The following MAGI1 variants were observed in gnomAD, a reference collection of about 807,000 sequenced individuals.
MAGI1 encodes membrane-associated guanylate kinase, WW and PDZ domain-containing protein 1.
In MAGI1, 58 loss-of-function variants were observed where a neutral mutation model predicts 139.9. That is an observed-to-expected ratio of 0.41 (90% CI 0.34 to 0.52). The LOEUF (loss-of-function observed/expected upper bound fraction) is 0.52, where lower values mean the gene tolerates loss of function less well. Among genes scored for constraint, MAGI1 ranks in the 20% least tolerant of loss-of-function variants. The probability of loss-of-function intolerance (pLI) is 0.12; values close to 1 mark genes in which losing one functional copy is unlikely to be tolerated. For missense variants in MAGI1, 1,874 were observed against 1,901.6 expected, an observed-to-expected ratio of 0.99 and a Z score of 0.27; for synonymous variants, 812 against 737.9, an observed-to-expected ratio of 1.10 and a Z score of -1.63.
At chr3:66,015,535 T>A (rs114919834) in intron 1 of MAGI1, among the ~76,000 whole-genome samples, 1 of 152,170 alleles carries the variant, frequency 6.6e-6, no homozygotes, top group East Asian at 1.9e-4. Context: ...ACACATTTCA[T>A]AGAGCTGATT....
chr3:65,727,030 C>G (rs975939548), intron 1 of MAGI1, among the ~76,000 whole-genome samples: 2 of 150,856 alleles, frequency 1.3e-5, no homozygotes, highest in African/African-American at 2.4e-5. Context: ...AATATTCAAC[C>G]TGTAATTCCA....
intron 7 of MAGI1, among the ~76,000 whole-genome samples, chr3:65,446,439 G>C (rs1948676453): frequency 6.6e-6 from 1 of 152,192 alleles, no homozygotes; most frequent in South Asian, 2.1e-4. Context: ...GTCTTTAACA[G>C]CACAAGCAAG....
At chr3:65,995,128 CA>C (rs1230052013) in intron 1 of MAGI1, among the ~76,000 whole-genome samples, 1 of 152,198 alleles carries the variant, frequency 6.6e-6, no homozygotes, top group African/African-American at 2.4e-5. Context: ...GCCCATACTG[CA>C]GGCTCTAGAA....
At chr3:65,431,663 A>T (rs1247536908) in intron 10 of MAGI1, among the ~76,000 whole-genome samples, 3 of 152,102 alleles carry the variant, frequency 2.0e-5, no homozygotes, top group Non-Finnish European at 4.4e-5. Flanking sequence ...AACAGTAGCC[A>T]CACAGCTCCA....
chr3:65,489,149 A>C (rs753363072), intron 3 of MAGI1, among the ~76,000 whole-genome samples: 1 of 152,176 alleles, frequency 6.6e-6, no homozygotes, highest in Non-Finnish European at 1.5e-5. Context: ...ACATAAATAG[A>C]ACCTACCTCA....
rs779588733 is a variant in MAGI1, at chr3:65,627,485, C to CTTTTTTT, written c.314-5404_314-5398dup. 3.2e-4 allele frequency among the ~76,000 whole-genome samples: 9 copies of CTTTTTTT among 28,350 alleles called. 2 individuals carry two copies. The highest frequency in any genetic ancestry group is 8.2e-4 in the African/African-American group (7 of 8,488). The allele number at this position is 28,350 out of a possible 152,430, so 18.6% of individuals were successfully genotyped here. ...TTGCCGTTATTTTATATTTCTGTAT[C>CTTTTTTT]TTTTTTTTTTTTTTTTTTTTTTTTT... On this transcript the variant is annotated intron_variant, in intron 1 of 22. Coordinates refer to ENST00000402939, the MANE Select transcript of MAGI1 (RefSeq NM_001033057.2).
intron 2 of MAGI1, among the ~76,000 whole-genome samples, chr3:65,535,579 G>A (rs896886334): frequency 1.3e-5 from 2 of 152,154 alleles, no homozygotes; most frequent in African/African-American, 2.4e-5. Context: ...AATGAACACC[G>A]TACTCTTTCA....
intron 1 of MAGI1, among the ~76,000 whole-genome samples, chr3:65,689,217 C>A (rs2088348186): frequency 6.6e-6 from 1 of 152,186 alleles, no homozygotes; most frequent in African/African-American, 2.4e-5. Flanking sequence ...AGCATTCCAC[C>A]TTACTGCTTC....
At chr3:65,694,365 C>A (rs2088955980) in intron 1 of MAGI1, among the ~76,000 whole-genome samples, 2 of 152,174 alleles carry the variant, frequency 1.3e-5, no homozygotes, top group African/African-American at 4.8e-5. Flanking sequence ...GCATCTACCC[C>A]ACCTGTCTGT....
chr3:65,934,673 A>C (rs2062963099), intron 1 of MAGI1, among the ~76,000 whole-genome samples: 1 of 151,878 alleles, frequency 6.6e-6, no homozygotes, highest in Admixed American at 6.6e-5. Context: ...CAGTACATTT[A>C]AGAAAAAGGC....
intron 2 of MAGI1, among the ~76,000 whole-genome samples, chr3:65,576,171 T>C (rs533434300): frequency 6.6e-6 from 1 of 152,242 alleles, no homozygotes; most frequent in African/African-American, 2.4e-5. Flanking sequence ...ATGTAGAGCA[T>C]GCATACTTAG....
intron 1 of MAGI1, among the ~76,000 whole-genome samples, chr3:66,013,050 G>C (rs954324666): frequency 1.3e-5 from 2 of 152,176 alleles, no homozygotes; most frequent in Non-Finnish European, 2.9e-5. Flanking sequence ...GAGGAACCCA[G>C]GGGTGGGGAG....
chr3:65,466,896 G>A (rs1327046570), intron 5 of MAGI1, among the ~76,000 whole-genome samples: 14 of 152,224 alleles, frequency 9.2e-5, no homozygotes, highest in Admixed American at 6.5e-5. Flanking sequence ...AGGACCACAG[G>A]TTTTTCTGCA....
At chr3:66,028,424 G>A (rs1011459854) in intron 1 of MAGI1, among the ~76,000 whole-genome samples, 1 of 152,090 alleles carries the variant, frequency 6.6e-6, no homozygotes, top group African/African-American at 2.4e-5. Context: ...CTGATGTTCT[G>A]GGAGGCTAAC....
chr3:65,429,990 T>C lies in MAGI1; in HGVS notation c.1697A>G (p.Asn566Ser), dbSNP rs200287562. Residue 566 changes from asparagine to serine, a missense_variant, in exon 12 of 23, where the codon AAT (asparagine) becomes AGT (serine). Asn to Ser is a conservative substitution (Grantham distance 46). Transcript: ENST00000402939. ...GGCTACCGAGGTCACTAAACTTGTATTGGGGTCATCTGGATCAAAAGGCAA... is the reference window on the plus strand; with the variant it reads ...GGCTACCGAGGTCACTAAACTTGTACTGGGGTCATCTGGATCAAAAGGCAA... ...YPLPFDPDDPNTSLVTSVAIL... is the reference protein window; with the variant it reads ...YPLPFDPDDPSTSLVTSVAIL... 6.2e-5 allele frequency: 100 copies of C among 1,613,888 alleles called. No individual in the cohort carries two copies. Among genetic ancestry groups the C allele is most frequent in the Admixed American group, 8.3e-5 (5 of 59,942 alleles).
At chr3:65,371,310 T>G (rs1575542182) in intron 18 of MAGI1, among the ~76,000 whole-genome samples, 1 of 152,254 alleles carries the variant, frequency 6.6e-6, no homozygotes, top group Non-Finnish European at 1.5e-5. Context: ...GTCATGCAAA[T>G]TCTTTGGCTT....
At chr3:65,606,036 T>C (rs962208788) in intron 2 of MAGI1, among the ~76,000 whole-genome samples, 2 of 144,856 alleles carry the variant, frequency 1.4e-5, no homozygotes, top group Non-Finnish European at 3.1e-5. Context: ...ATCAGATACA[T>C]GGACATATTT....
chr3:65,426,268 A>G (rs72892377), intron 12 of MAGI1, among the ~76,000 whole-genome samples: 180 of 152,322 alleles, frequency 1.2e-3, no homozygotes, highest in African/African-American at 3.9e-3. Context: ...GACCCTGGAC[A>G]TTTACAAATG....
chr3:65,768,189 G>A (rs1208373732), intron 1 of MAGI1, among the ~76,000 whole-genome samples: 1 of 152,196 alleles, frequency 6.6e-6, no homozygotes, highest in African/African-American at 2.4e-5. Flanking sequence ...GGAGGCTGAG[G>A]CAGGCAGATC....
Sources: gnomAD v4.1 joint callset for allele counts (sites outside exome capture counted in the v4.1 genomes callset) on GRCh38, gnomAD v4.1.1 for gene constraint, MANE v1.5 for transcripts, NCBI Gene and HGNC (gene_info 2026-07-23, HGNC 2026-07-21) for gene names.